CLIP3: variants seen among roughly 807,000 people sequenced by gnomAD.
CLIP3 encodes CAP-Gly domain containing linker protein 3, also known as CAP-Gly domain-containing linker protein 3.
In CLIP3, 15 loss-of-function variants were observed where a neutral mutation model predicts 59.4. The observed-to-expected ratio is 0.25, with a 90% CI of 0.17 to 0.39. The LOEUF (loss-of-function observed/expected upper bound fraction) is 0.39, where lower values mean the gene tolerates loss of function less well. Ranked by LOEUF, CLIP3 falls within the 10% of genes least tolerant of loss-of-function variation. The pLI, the probability that CLIP3 is intolerant of heterozygous loss-of-function variation, is 1.00. For missense variants in CLIP3, 495 were observed against 765.7 expected, an observed-to-expected ratio of 0.65 and a Z score of 4.17; for synonymous variants, 300 against 321.6, an observed-to-expected ratio of 0.93 and a Z score of 0.72.
Position 36,016,996 on chromosome 19 carries a change from G to GTC in CLIP3, c.1517-18_1517-17insGA. On this transcript the variant is annotated splice_polypyrimidine_tract_variant and intron_variant, in intron 12 of 13. Coordinates refer to ENST00000360535, the MANE Select transcript of CLIP3 (RefSeq NM_015526.3). The surrounding 1 kb of genome is among the most constrained non-coding windows in gnomAD (Gnocchi z 4.1). Reference sequence around the variant, plus strand: ...GCTGCGTCACTGAAGAGGAGGGCAGGATGTCAAGTGAGGGGATGACAGACC... The same window carrying GTC: ...GCTGCGTCACTGAAGAGGAGGGCAGGTCATGTCAAGTGAGGGGATGACAGACC... The GTC allele has an allele frequency of 6.2e-7, 1 of 1,613,384 alleles. No homozygotes were observed. The highest frequency in any genetic ancestry group is 8.5e-7 in the Non-Finnish European group (1 of 1,179,634).
At position 36,026,294 on chromosome 19, in the gene CLIP3, G is replaced by T. The variant is rs753627148; in HGVS notation, c.563-29C>A. On this transcript the variant is annotated intron_variant, in intron 5 of 13. Transcript: ENST00000360535. This position sits in a 1 kb window ranked among gnomAD's most constrained non-coding sequence, Gnocchi z 6.3. ...GAAGTGGGCAAGAGGAGGGGTTCCGGGTGAGCGCCTGTGGGACCCCAGCCC... is the reference window on the plus strand; with the variant it reads ...GAAGTGGGCAAGAGGAGGGGTTCCGTGTGAGCGCCTGTGGGACCCCAGCCC... The T allele has an allele frequency of 4.5e-6, 7 of 1,570,506 alleles. No homozygotes were observed. The highest frequency in any genetic ancestry group is 6.1e-6 in the Non-Finnish European group (7 of 1,142,450).
chr19:36,016,096 G>C lies in CLIP3; in HGVS notation c.*62C>G, dbSNP rs200757066. ...AATCTCTATCTCAGGGTGACTCAGGGCTCCTCGGGTGTCAGGAGATGCTAG... is the reference window on the plus strand; with the variant it reads ...AATCTCTATCTCAGGGTGACTCAGGCCTCCTCGGGTGTCAGGAGATGCTAG... On this transcript the variant is annotated 3_prime_UTR_variant, in exon 14 of 14. Transcript: ENST00000360535. This position sits in a 1 kb window ranked among gnomAD's most constrained non-coding sequence, Gnocchi z 4.1. 1 of 1,568,516 alleles carries C rather than the reference G, an allele frequency of 6.4e-7. No homozygotes were observed. Among genetic ancestry groups the C allele is most frequent in the Non-Finnish European group, 8.8e-7 (1 of 1,140,634 alleles).
intron 7 of CLIP3, 101 bp from the exon 8 acceptor site, chr19:36,019,407 G>T: frequency 1.4e-6 from 2 of 1,426,778 alleles, no homozygotes; most frequent in South Asian, 1.2e-5. Context: ...AGGCCGCCCT[G>T]GGCCCAAACC....
At position 36,026,886 on chromosome 19, in the gene CLIP3, T is replaced by G; in HGVS notation, c.400+66A>C. On this transcript the variant is annotated intron_variant, in intron 4 of 13. Transcript: ENST00000360535. This position sits in a 1 kb window ranked among gnomAD's most constrained non-coding sequence, Gnocchi z 6.3. ...AGATGGGGCCTGAGTTCTGGGTGGT[T>G]TTCAGCGTGTTGGGTCTGGGGGCCT... The G allele has an allele frequency of 6.6e-7, 1 of 1,524,326 alleles. No individual in the cohort carries two copies. The highest frequency in any genetic ancestry group is 8.8e-7 in the Non-Finnish European group (1 of 1,139,096). The allele number at this position is 1,524,326 out of a possible 1,614,324, so 94.4% of individuals were successfully genotyped here. A position where few individuals can be genotyped will look rare whatever the true frequency, so the allele number is the denominator to read the frequency against.
At chr19:36,024,720 G>A in intron 6 of CLIP3, 88 bp from the exon 7 acceptor site, 1 of 1,259,290 alleles carries the variant, frequency 7.9e-7, no homozygotes, top group Non-Finnish European at 1.1e-6. Context: ...CACCAGTCTG[G>A]GTGATGCAGG....
chr19:36,018,312 C>T (rs1381488107), intron 9 of CLIP3, among the ~76,000 whole-genome samples: 3 of 152,146 alleles, frequency 2.0e-5, no homozygotes, highest in Non-Finnish European at 4.4e-5. Flanking sequence ...TGTGCAGTGG[C>T]GCAGGCCTGT....
At position 36,021,289 on chromosome 19, in the gene CLIP3, C is replaced by CT. The variant is rs538550778; in HGVS notation, c.919-1984dup. On this transcript the variant is annotated intron_variant, in intron 7 of 13. Coordinates refer to ENST00000360535, the MANE Select transcript of CLIP3 (RefSeq NM_015526.3). ...TCATGGAGTGATCATCTGGCGGAAA[C>CT]TTTTTTTTTTTTTAGACAGGGTCTC... 2.7e-3 allele frequency among the ~76,000 whole-genome samples: 385 copies of CT among 142,962 alleles called. 5 individuals carry two copies. Among genetic ancestry groups the CT allele is most frequent in the African/African-American group, 8.4e-3 (329 of 39,278 alleles). 93.8% of individuals were successfully genotyped at this position (142,962 alleles called of 152,430 possible).
chr19:36,024,343 G>A lies in CLIP3; in HGVS notation c.918+53C>T. 15 of 1,509,224 alleles carry A rather than the reference G, an allele frequency of 9.9e-6. No homozygotes were observed. In the South Asian group the frequency reaches 1.4e-4, roughly 14 times the overall value. The allele number at this position is 1,509,224 out of a possible 1,614,324, so 93.5% of individuals were successfully genotyped here. ...CGAGGACGCAGCTCCAAGGGATTAA[G>A]GGGCTGAGTCCCACCCCCACCCACC... On this transcript the variant is annotated intron_variant, in intron 7 of 13. Transcript: ENST00000360535.
intron 7 of CLIP3, among the ~76,000 whole-genome samples, chr19:36,023,107 C>A (rs1346719248): frequency 1.3e-5 from 2 of 152,204 alleles, no homozygotes; most frequent in South Asian, 2.1e-4. Context: ...GGCTTGTTGG[C>A]ACACACTTGT....
Position 36,016,153 on chromosome 19 carries a change from G to A in CLIP3, c.*5C>T, listed in dbSNP as rs747943491. On this transcript the variant is annotated 3_prime_UTR_variant, in exon 14 of 14. Transcript: ENST00000360535. The surrounding 1 kb of genome is among the most constrained non-coding windows in gnomAD (Gnocchi z 4.1). ...CTCTGTCTCTTTGTCAGGTGTCCAGGGCCTCTAAGACTGCATCTCCGCCCT... is the reference window on the plus strand; with the variant it reads ...CTCTGTCTCTTTGTCAGGTGTCCAGAGCCTCTAAGACTGCATCTCCGCCCT... 63 of 1,613,736 alleles carry A rather than the reference G, an allele frequency of 3.9e-5. No individual in the cohort carries two copies. Among genetic ancestry groups the A allele is most frequent in the Non-Finnish European group, 5.2e-5 (61 of 1,179,898 alleles).
intron 7 of CLIP3, among the ~76,000 whole-genome samples, chr19:36,021,451 A>G (rs1331675869): frequency 6.6e-6 from 1 of 150,450 alleles, no homozygotes; most frequent in African/African-American, 2.5e-5. Flanking sequence ...TGCCTGATTA[A>G]TTTTTTCATT....
intron 7 of CLIP3, among the ~76,000 whole-genome samples, chr19:36,023,377 A>C (rs1969003899): frequency 6.6e-6 from 1 of 151,950 alleles, no homozygotes; most frequent in Non-Finnish European, 1.5e-5. Flanking sequence ...GGGTCTCCAT[A>C]CCTACTGCAT....
Position 36,032,001 on chromosome 19 carries a change from A to G in CLIP3, c.166+191T>C, listed in dbSNP as rs1969278032. The G allele has an allele frequency of 2.5e-6, 1 of 402,602 alleles. No individual in the cohort carries two copies. The highest frequency in any genetic ancestry group is 2.1e-5 in the African/African-American group (1 of 48,682). 24.9% of individuals were successfully genotyped at this position (402,602 alleles called of 1,614,324 possible). ...AATGATGTGTCATGAGTCAAAGACT[A>G]GGAGTATTACAATTCCATTCTCCAA... On this transcript the variant is annotated intron_variant, in intron 2 of 13. Coordinates refer to ENST00000360535, the MANE Select transcript of CLIP3 (RefSeq NM_015526.3). This position sits in a 1 kb window ranked among gnomAD's most constrained non-coding sequence, Gnocchi z 4.3.
Position 36,026,909 on chromosome 19 carries a change from C to T in CLIP3, c.400+43G>A. The T allele has an allele frequency of 2.6e-6, 4 of 1,525,754 alleles. No homozygotes were observed. Among genetic ancestry groups the T allele is most frequent in the Non-Finnish European group, 3.5e-6 (4 of 1,140,504 alleles). 94.5% of individuals were successfully genotyped at this position (1,525,754 alleles called of 1,614,324 possible). On this transcript the variant is annotated intron_variant, in intron 4 of 13. Coordinates refer to ENST00000360535, the MANE Select transcript of CLIP3 (RefSeq NM_015526.3). The surrounding 1 kb of genome is among the most constrained non-coding windows in gnomAD (Gnocchi z 6.3). ...GTTTTCAGCGTGTTGGGTCTGGGGG[C>T]CTAGGCTTTGGGGCTTATGACTTGG...
chr19:36,029,244 C>T (rs1969195116), intron 2 of CLIP3, among the ~76,000 whole-genome samples: 2 of 144,350 alleles, frequency 1.4e-5, no homozygotes, highest in South Asian at 2.1e-4. Context: ...CGCTTGAACT[C>T]GGAAGGCAGA....
rs1969288699 is a variant in CLIP3 at position 36,032,349 on chromosome 19, C to T, written c.9G>A (p.Lys3=). The T allele has an allele frequency of 7.9e-7, 1 of 1,258,578 alleles. No individual in the cohort carries two copies. The highest frequency in any genetic ancestry group is 3.5e-5 in the South Asian group (1 of 28,276). The allele number at this position is 1,258,578 out of a possible 1,614,324, so 78.0% of individuals were successfully genotyped here. A position where few individuals can be genotyped will look rare whatever the true frequency, so the allele number is the denominator to read the frequency against. The part of the protein sequence containing the change: MT[K]TDPAPMAPPP... ...GCGGGGCCATCGGGGCAGGATCTGT[C>T]TTAGTCATGGTCCTCGGTGGCCCTC... The change falls in exon 2 of 14, where the codon AAG becomes AAA. Residue 3 remains lysine, a synonymous_variant. Coordinates refer to ENST00000360535, the MANE Select transcript of CLIP3 (RefSeq NM_015526.3). This position sits in a 1 kb window ranked among gnomAD's most constrained non-coding sequence, Gnocchi z 4.3.
At chr19:36,019,975 G>C (rs978818858) in intron 7 of CLIP3, among the ~76,000 whole-genome samples, 23 of 152,014 alleles carry the variant, frequency 1.5e-4, no homozygotes, top group African/African-American at 5.6e-4. Context: ...GGATGCCAAG[G>C]CTGGAGGATC....
chr19:36,027,383 G>C, intron 2 of CLIP3, 112 bp from the exon 3 acceptor site: 2 of 1,212,428 alleles, frequency 1.6e-6, no homozygotes, highest in East Asian at 5.5e-5. Flanking sequence ...AGGGTCTCAA[G>C]CTGGTGGCAC....
chr19:36,017,607 C>A (rs368342479), intron 11 of CLIP3, 48 bp downstream of exon 11: 1 of 1,611,240 alleles, frequency 6.2e-7, no homozygotes, highest in African/African-American at 1.3e-5. Context: ...GAGGGGGGAT[C>A]AGGGCTCCAG....
Sources: gnomAD v4.1 joint callset for allele counts (sites outside exome capture counted in the v4.1 genomes callset) on GRCh38, gnomAD v4.1.1 for gene constraint, Gnocchi (gnomAD v3.1) non-coding constraint, MANE v1.5 for transcripts, NCBI Gene and HGNC (gene_info 2026-07-23, HGNC 2026-07-21) for gene names.